Variants in RAP1A observed in about 807,000 individuals in gnomAD.
RAP1A encodes ras-related protein Rap-1A.
RAP1A carries 6 observed loss-of-function variants against 26.4 expected under a neutral mutation model. The observed-to-expected ratio is 0.23, with a 90% CI of 0.12 to 0.45. The LOEUF is 0.45. RAP1A is among the 20% of genes least tolerant of loss of function. The pLI, the probability that RAP1A is intolerant of heterozygous loss-of-function variation, is 0.99. For missense variants in RAP1A, 121 were observed against 217.2 expected (o/e 0.56, Z 2.78); for synonymous variants, 73 against 79.4 (o/e 0.92, Z 0.43).
intron 1 of RAP1A, among the ~76,000 whole-genome samples, chr1:111,630,923 A>G (rs889417477): frequency 2.0e-5 from 3 of 152,214 alleles, no homozygotes; most frequent in African/African-American, 7.2e-5. Flanking sequence ...TTAAATCTGT[A>G]GGGTAACCAG....
intron 1 of RAP1A, among the ~76,000 whole-genome samples, chr1:111,568,024 G>A (rs569753838): frequency 6.6e-6 from 1 of 152,288 alleles, no homozygotes; most frequent in African/African-American, 2.4e-5. Flanking sequence ...GAAACAGTGG[G>A]CCATTGCTGT....
chr1:111,690,951 A>G (rs1317118313), intron 1 of RAP1A, among the ~76,000 whole-genome samples: 1 of 152,248 alleles, frequency 6.6e-6, no homozygotes, highest in Non-Finnish European at 1.5e-5. Context: ...TGTACATTAT[A>G]TTAAAGCTCA....
At chr1:111,597,003 T>C (rs1658575559) in intron 1 of RAP1A, among the ~76,000 whole-genome samples, 1 of 152,186 alleles carries the variant, frequency 6.6e-6, no homozygotes, top group African/African-American at 2.4e-5. Flanking sequence ...GCGAAAGGTG[T>C]GGGCTGGAGT....
At chr1:111,553,890 C>T (rs1253696905) in intron 1 of RAP1A, among the ~76,000 whole-genome samples, 1 of 152,192 alleles carries the variant, frequency 6.6e-6, no homozygotes, top group Non-Finnish European at 1.5e-5. Context: ...ATCTGTAGAA[C>T]TTAAGAACCT....
intron 1 of RAP1A, among the ~76,000 whole-genome samples, chr1:111,663,023 C>T (rs1210926208): frequency 6.6e-6 from 1 of 152,198 alleles, no homozygotes; most frequent in Non-Finnish European, 1.5e-5. Flanking sequence ...TAGTGATTCT[C>T]CTGCCTCAGC....
At chr1:111,681,027 G>A (rs1046435413) in intron 1 of RAP1A, among the ~76,000 whole-genome samples, 3 of 152,232 alleles carry the variant, frequency 2.0e-5, no homozygotes, top group East Asian at 1.9e-4. Flanking sequence ...CAGACGGATC[G>A]TGAGGTCAGG....
chr1:111,562,117 T>C (rs1399030043), intron 1 of RAP1A, among the ~76,000 whole-genome samples: 4 of 152,170 alleles, frequency 2.6e-5, no homozygotes, highest in Admixed American at 2.6e-4. Flanking sequence ...GCTTGTGCCA[T>C]TTCTTTTCTA....
At chr1:111,544,369 C>T (rs891741525) in intron 1 of RAP1A, among the ~76,000 whole-genome samples, 5 of 152,144 alleles carry the variant, frequency 3.3e-5, no homozygotes, top group Admixed American at 1.3e-4. Flanking sequence ...CCAATTTCCT[C>T]TTCCCCTCAT....
intron 1 of RAP1A, among the ~76,000 whole-genome samples, chr1:111,607,005 T>C (rs1452977246): frequency 7.3e-6 from 1 of 137,306 alleles, no homozygotes; most frequent in Non-Finnish European, 1.5e-5. Flanking sequence ...TCATTTTCTT[T>C]TATTTATTTA....
At chr1:111,550,697 T>C (rs570652014) in intron 1 of RAP1A, among the ~76,000 whole-genome samples, 1 of 152,366 alleles carries the variant, frequency 6.6e-6, no homozygotes, top group South Asian at 2.1e-4. Flanking sequence ...GGTCTCACTA[T>C]GTTGCCCAGC....
At chr1:111,580,739 C>T (rs1358294511) in intron 1 of RAP1A, among the ~76,000 whole-genome samples, 1 of 151,790 alleles carries the variant, frequency 6.6e-6, no homozygotes, top group East Asian at 1.9e-4. Context: ...CCCAGCTACT[C>T]GGGAGGCTGA....
chr1:111,566,479 C>T (rs1385928773), intron 1 of RAP1A, among the ~76,000 whole-genome samples: 2 of 152,150 alleles, frequency 1.3e-5, no homozygotes, highest in Non-Finnish European at 2.9e-5. Flanking sequence ...AATGACTGAG[C>T]TCCTAAAGGG....
intron 1 of RAP1A, among the ~76,000 whole-genome samples, chr1:111,625,447 A>G (rs115136904): frequency 0.01 from 1,528 of 152,288 alleles, 25 homozygotes; most frequent in African/African-American, 0.035. Flanking sequence ...TTAGTAGTGG[A>G]AATCTCTTAT....
chr1:111,583,728 G>A (rs780968834), intron 1 of RAP1A, among the ~76,000 whole-genome samples: 2 of 151,954 alleles, frequency 1.3e-5, no homozygotes, highest in Non-Finnish European at 2.9e-5. Flanking sequence ...AAGAGAATGG[G>A]TAAAGAAAGT....
At chr1:111,563,721 G>A (rs547689042) in intron 1 of RAP1A, 85 of 701,728 alleles carry the variant, frequency 1.2e-4, no homozygotes, top group Middle Eastern at 2.5e-4. Context: ...TATTTTACAC[G>A]CTAGGACAAA....
intron 1 of RAP1A, among the ~76,000 whole-genome samples, chr1:111,613,491 G>A (rs575863680): frequency 6.6e-6 from 1 of 152,300 alleles, no homozygotes; most frequent in Admixed American, 6.5e-5. Flanking sequence ...TAGCCACCAC[G>A]CCCGGCCAGC....
intron 1 of RAP1A, among the ~76,000 whole-genome samples, chr1:111,564,431 G>A (rs934914624): frequency 2.6e-5 from 4 of 151,648 alleles, no homozygotes; most frequent in Non-Finnish European, 5.9e-5. Flanking sequence ...GATCACCTAA[G>A]CCCCAGAGAT....
chr1:111,666,074 A>G (rs1660788921), intron 1 of RAP1A, among the ~76,000 whole-genome samples: 1 of 152,208 alleles, frequency 6.6e-6, no homozygotes, highest in Non-Finnish European at 1.5e-5. Context: ...AACTGAAATC[A>G]ATAAAGGGAG....
intron 7 of RAP1A, among the ~76,000 whole-genome samples, chr1:111,712,104 TATC>T (rs1662402979): frequency 6.6e-6 from 1 of 152,156 alleles, no homozygotes; most frequent in African/African-American, 2.4e-5. Context: ...AGAATAAAAA[TATC>T]ATTGTCTTCC....
Sources: gnomAD v4.1 joint callset for allele counts (sites outside exome capture counted in the v4.1 genomes callset) on GRCh38, gnomAD v4.1.1 for gene constraint, MANE v1.5 for transcripts, NCBI Gene and HGNC (gene_info 2026-07-23, HGNC 2026-07-21) for gene names.